Variants in AJAP1 observed in about 807,000 individuals in gnomAD.
The protein encoded by AJAP1 is adherens junction-associated protein 1.
A neutral mutation model predicts 35.0 loss-of-function variants in AJAP1; 5 were observed. The observed-to-expected ratio is 0.14, with a 90% CI of 0.07 to 0.30. The LOEUF (loss-of-function observed/expected upper bound fraction) is 0.30. Ranked by LOEUF, AJAP1 falls within the 10% of genes least tolerant of loss-of-function variation. The pLI is 1.00. For synonymous variants in AJAP1, 284 were observed against 249.3 expected, an observed-to-expected ratio of 1.14 and a Z score of -1.31; for missense variants, 586 against 571.0, an observed-to-expected ratio of 1.03 and a Z score of -0.27.
intron 2 of AJAP1, among the ~76,000 whole-genome samples, chr1:4,732,639 T>C (rs1031413858): frequency 1.9e-4 from 29 of 152,382 alleles, no homozygotes; most frequent in African/African-American, 6.5e-4. Context: ...ACTGTGCCTG[T>C]GCAGGCAGGT....
At chr1:4,719,883 G>A (rs1640479883) in intron 2 of AJAP1, among the ~76,000 whole-genome samples, 4 of 152,216 alleles carry the variant, frequency 2.6e-5, no homozygotes, top group African/African-American at 9.6e-5. Flanking sequence ...CCAGCAGTGA[G>A]CTCAGTGGTC....
rs114766725 is a variant in AJAP1, at chr1:4,666,007, G to A, written c.29+10553G>A. 4.5e-3 allele frequency among the ~76,000 whole-genome samples: 687 copies of A among 152,332 alleles called. 8 individuals are homozygous for A. The highest frequency in any genetic ancestry group is 0.016 in the African/African-American group (658 of 41,586). On this transcript the variant is annotated intron_variant, in intron 1 of 5. Coordinates refer to ENST00000378191, the MANE Select transcript of AJAP1 (RefSeq NM_018836.4). ...AGGCGGAGGGAATGGGGTGGCTGCC[G>A]TTTACGGAGCACTGGTGGTGAGTGT...
chr1:4,701,043 A>G (rs919875412), intron 1 of AJAP1, among the ~76,000 whole-genome samples: 1 of 152,208 alleles, frequency 6.6e-6, no homozygotes, highest in African/African-American at 2.4e-5. Flanking sequence ...CTCCTCCAGA[A>G]TGCTCGCGGG....
chr1:4,663,440 G>A (rs911746926), intron 1 of AJAP1, among the ~76,000 whole-genome samples: 1 of 152,140 alleles, frequency 6.6e-6, no homozygotes, highest in African/African-American at 2.4e-5. Flanking sequence ...TTCCATGATG[G>A]GGATTGTTCG....
At chr1:4,695,168 G>A (rs1239378100) in intron 1 of AJAP1, among the ~76,000 whole-genome samples, 2 of 152,174 alleles carry the variant, frequency 1.3e-5, no homozygotes, top group Non-Finnish European at 2.9e-5. Context: ...GAGTGGCCAT[G>A]TAGGGACTGA....
At chr1:4,657,554 G>C (rs1638908627) in intron 1 of AJAP1, among the ~76,000 whole-genome samples, 1 of 152,192 alleles carries the variant, frequency 6.6e-6, no homozygotes, top group Non-Finnish European at 1.5e-5. Context: ...CTTCACCTTT[G>C]CTTGCAAGCC....
chr1:4,743,262 A>G (rs1641111966), intron 2 of AJAP1, among the ~76,000 whole-genome samples: 1 of 152,214 alleles, frequency 6.6e-6, no homozygotes, highest in East Asian at 1.9e-4. Flanking sequence ...AGGAGGAAAT[A>G]GAACAAGAGA....
At position 4,720,611 on chromosome 1, in the gene AJAP1, G is replaced by A. The variant is rs1200964513; in HGVS notation, c.829+7912G>A. Among the ~76,000 whole-genome samples, 1 of 152,218 alleles carries A rather than the reference G, an allele frequency of 6.6e-6. No individual in the cohort carries two copies. The highest frequency in any genetic ancestry group is 1.5e-5 in the Non-Finnish European group (1 of 68,044). ...TTTGTGACAAGGCTGTTCTGAGACT[G>A]GACCATGCCAGCACATGTGGGAAAC... On this transcript the variant is annotated intron_variant, in intron 2 of 5. Coordinates refer to ENST00000378191, the MANE Select transcript of AJAP1 (RefSeq NM_018836.4). The surrounding 1 kb of genome is among the most constrained non-coding windows in gnomAD (Gnocchi z 4.4).
chr1:4,742,692 C>T (rs1188250656), intron 2 of AJAP1, among the ~76,000 whole-genome samples: 1 of 152,174 alleles, frequency 6.6e-6, no homozygotes, highest in Admixed American at 6.5e-5. Flanking sequence ...TCTTAAGTCA[C>T]TCTCTGCAAT....
At chr1:4,710,392 C>T (rs536658864) in intron 1 of AJAP1, among the ~76,000 whole-genome samples, 1 of 152,294 alleles carries the variant, frequency 6.6e-6, no homozygotes, top group East Asian at 1.9e-4. Flanking sequence ...TGTATGCTGG[C>T]TCACTCTCAC....
chr1:4,701,428 G>A (rs946079144), intron 1 of AJAP1, among the ~76,000 whole-genome samples: 3 of 152,206 alleles, frequency 2.0e-5, no homozygotes, highest in Non-Finnish European at 4.4e-5. Context: ...TTTGGGAGCA[G>A]CTGTAGGTCA....
rs962144441 is a variant in AJAP1 at position 4,723,292 on chromosome 1, G to C, written c.829+10593G>C. On this transcript the variant is annotated intron_variant, in intron 2 of 5. Transcript: ENST00000378191. This position sits in a 1 kb window ranked among gnomAD's most constrained non-coding sequence, Gnocchi z 4.3. ...AGCCACCCTGGCGGCCGTCCAAGGG[G>C]AGCGCCTGTGGATACTCCTTGGATT... Among the ~76,000 whole-genome samples, 1 of 152,208 alleles carries C rather than the reference G, an allele frequency of 6.6e-6. No individual in the cohort carries two copies. Among genetic ancestry groups the C allele is most frequent in the Non-Finnish European group, 1.5e-5 (1 of 68,046 alleles).
At chr1:4,764,849 A>G (rs529008012) in intron 2 of AJAP1, among the ~76,000 whole-genome samples, 2 of 152,312 alleles carry the variant, frequency 1.3e-5, no homozygotes, top group African/African-American at 4.8e-5. Flanking sequence ...TTTGCCATGG[A>G]CAATGGCCCG....
chr1:4,677,177 A>G (rs576021342), intron 1 of AJAP1, among the ~76,000 whole-genome samples: 50 of 152,296 alleles, frequency 3.3e-4, no homozygotes, highest in Non-Finnish European at 6.5e-4. Flanking sequence ...AAGAAAAGCA[A>G]TGAACCCAAA....
chr1:4,727,943 A>G (rs2100293578), intron 2 of AJAP1, among the ~76,000 whole-genome samples: 1 of 152,352 alleles, frequency 6.6e-6, no homozygotes, highest in East Asian at 1.9e-4. Context: ...ATTGCAGATG[A>G]CAGCACAGCC....
At chr1:4,711,394 C>T (rs115333233) in intron 1 of AJAP1, among the ~76,000 whole-genome samples, 6,115 of 152,254 alleles carry the variant, frequency 0.04, 189 homozygotes, top group Non-Finnish European at 0.062. Context: ...AGGCGCTTCC[C>T]CAGTGGGCGG....
intron 1 of AJAP1, among the ~76,000 whole-genome samples, chr1:4,660,260 C>T (rs1056640793): frequency 5.9e-5 from 9 of 152,186 alleles, no homozygotes; most frequent in African/African-American, 1.7e-4. Context: ...AAATTATAGA[C>T]GTGGTACAAT....
intron 2 of AJAP1, among the ~76,000 whole-genome samples, chr1:4,731,723 G>T (rs1251150201): frequency 6.6e-6 from 1 of 152,198 alleles, no homozygotes; most frequent in African/African-American, 2.4e-5. Context: ...CTGGGCTCCA[G>T]CCTGCCTGAG....
chr1:4,658,330 T>C (rs951886442), intron 1 of AJAP1, among the ~76,000 whole-genome samples: 1 of 152,136 alleles, frequency 6.6e-6, no homozygotes, highest in Non-Finnish European at 1.5e-5. Context: ...TAATTCACAG[T>C]TCCCCAAGCC....
Sources: gnomAD v4.1 joint callset for allele counts (sites outside exome capture counted in the v4.1 genomes callset) on GRCh38, gnomAD v4.1.1 for gene constraint, Gnocchi (gnomAD v3.1) non-coding constraint, MANE v1.5 for transcripts, NCBI Gene and HGNC (gene_info 2026-07-23, HGNC 2026-07-21) for gene names.